Variants in SDK1 observed in about 807,000 individuals in gnomAD.
SDK1 encodes sidekick cell adhesion molecule 1.
SDK1 carries 157 observed loss-of-function variants against 245.5 expected under a neutral mutation model. That is an observed-to-expected ratio of 0.64 (90% CI 0.56 to 0.73). SDK1 has a LOEUF of 0.73. Among genes scored for constraint, SDK1 ranks in the 30% least tolerant of loss-of-function variants. The probability of loss-of-function intolerance (pLI) is 0.00; values close to 1 mark genes in which losing one functional copy is unlikely to be tolerated. For missense variants in SDK1, 3,583 were observed against 3,002.3 expected (o/e 1.19, Z -4.52); for synonymous variants, 1,647 against 1,278.5 (o/e 1.29, Z -6.15).
chr7:3,546,219 C>T (rs895487730), intron 1 of SDK1, among the ~76,000 whole-genome samples: 5 of 152,034 alleles, frequency 3.3e-5, no homozygotes, highest in Non-Finnish European at 4.4e-5. Context: ...GATGACACCG[C>T]GGGTCTGGGA....
At chr7:3,438,297 G>C (rs570731801) in intron 1 of SDK1, among the ~76,000 whole-genome samples, 34 of 152,298 alleles carry the variant, frequency 2.2e-4, no homozygotes, top group African/African-American at 7.9e-4. Flanking sequence ...TCATTTTATA[G>C]TATGTGCCTG....
rs1258505017 is a variant in SDK1 at position 4,267,256 on chromosome 7, CCCTCCTTCCCTCCCTT to C, written c.*1876_*1891del. ...TTCCTCTCTTCTTTCCTCCCTCCCT[CCCTCCTTCCCTCCCTT>C]CCTTCCTCTCTTTCCTCCTTCCTTC... On this transcript the variant is annotated 3_prime_UTR_variant, in exon 45 of 45. Transcript: ENST00000404826. 23 of 605,558 alleles carry C rather than the reference CCCTCCTTCCCTCCCTT, an allele frequency of 3.8e-5. No homozygotes were observed. Among genetic ancestry groups the C allele is most frequent in the Admixed American group, 6.4e-5 (1 of 15,596 alleles). 37.5% of individuals were successfully genotyped at this position (605,558 alleles called of 1,614,324 possible). A position where few individuals can be genotyped will look rare whatever the true frequency, so the allele number is the denominator to read the frequency against.
intron 5 of SDK1, among the ~76,000 whole-genome samples, chr7:3,920,825 C>T (rs1310268437): frequency 6.6e-6 from 1 of 152,118 alleles, no homozygotes; most frequent in Non-Finnish European, 1.5e-5. Context: ...AAAGTGACTG[C>T]TCGGAGGTTA....
rs529229661 is a variant in SDK1, at chr7:3,326,653, AAATT to A, written c.298+24775_298+24778del. Among the ~76,000 whole-genome samples, 549 of 152,288 alleles carry A rather than the reference AAATT, an allele frequency of 3.6e-3. 2 individuals carry two copies. The highest frequency in any genetic ancestry group is 0.012 in the African/African-American group (514 of 41,566). On this transcript the variant is annotated intron_variant, in intron 1 of 44. Coordinates refer to ENST00000404826, the MANE Select transcript of SDK1 (RefSeq NM_152744.4). ...CATCTTCTCACCAACACTGCTTTCT[AAATT>A]AATTATTTCAATTCATTTATTTTTT... is the stretch of plus-strand genomic sequence containing the variant.
At chr7:3,864,289 T>C (rs1780768282) in intron 5 of SDK1, among the ~76,000 whole-genome samples, 1 of 152,184 alleles carries the variant, frequency 6.6e-6, no homozygotes, top group Non-Finnish European at 1.5e-5. Context: ...CGTTTCCTAT[T>C]CTGTTCTCTT....
chr7:4,113,160 T>C, intron 23 of SDK1, 129 bp from the exon 24 acceptor site: 2 of 994,604 alleles, frequency 2.0e-6, no homozygotes, highest in Non-Finnish European at 3.0e-6. Flanking sequence ...CCTTGAGCAA[T>C]AGCCTTTATG....
intron 13 of SDK1, among the ~76,000 whole-genome samples, chr7:3,984,506 CAG>C (rs1783667866): frequency 1.3e-5 from 2 of 152,300 alleles, no homozygotes; most frequent in South Asian, 4.1e-4. Context: ...AGAAAGTGTG[CAG>C]AGACACAGCA....
intron 1 of SDK1, among the ~76,000 whole-genome samples, chr7:3,507,666 T>G (rs1192321380): frequency 6.6e-6 from 1 of 152,204 alleles, no homozygotes; most frequent in Non-Finnish European, 1.5e-5. Context: ...TGACACATTC[T>G]AAGTGGTTAG....
rs187542088 is a variant in SDK1, at chr7:3,989,665, T to G, written c.2131+2343T>G. On this transcript the variant is annotated intron_variant, in intron 14 of 44. Transcript: ENST00000404826. ...TGAAACCCAGCTCCCCGTGGGTCCC[T>G]GGTGCTGCTCACTTTTCTGGGCAGA... Among the ~76,000 whole-genome samples, 1,058 of 152,308 alleles carry G rather than the reference T, an allele frequency of 6.9e-3. 13 individuals carry two copies. Among genetic ancestry groups the G allele is most frequent in the African/African-American group, 0.024 (999 of 41,552 alleles).
At position 3,570,506 on chromosome 7, in the gene SDK1, G is replaced by A. The variant is rs1275246309; in HGVS notation, c.299-48574G>A. Among the ~76,000 whole-genome samples the A allele has an allele frequency of 2.0e-5, 3 of 152,158 alleles. No homozygotes were observed. In the East Asian group the frequency reaches 5.8e-4, roughly 29 times the overall value. On this transcript the variant is annotated intron_variant, in intron 1 of 44. Transcript: ENST00000404826. Reference sequence around the variant, plus strand: ...TTGGGGATCCCTGCCTTAACTAAGGGATCCCTTTCCCCCAACTCTTCTCTG... The same window carrying A: ...TTGGGGATCCCTGCCTTAACTAAGGAATCCCTTTCCCCCAACTCTTCTCTG...
intron 5 of SDK1, among the ~76,000 whole-genome samples, chr7:3,940,480 T>A (rs190817939): frequency 1.3e-5 from 2 of 152,302 alleles, no homozygotes. Context: ...TTATGGCATC[T>A]TCTTCTTCCT....
Position 3,672,796 on chromosome 7 carries a change from A to ATATATATATATATAT in SDK1, c.713+30691_713+30692insTATATATATATATAT, listed in dbSNP as rs1554307151. The stretch of plus-strand genomic sequence containing the variant: ...ATATATATATATATATATATATATA[A>ATATATATATATATAT]AAAATACAGAAAGCTCTAAGTATGC... On this transcript the variant is annotated intron_variant, in intron 4 of 44. Coordinates refer to ENST00000404826, the MANE Select transcript of SDK1 (RefSeq NM_152744.4). Among the ~76,000 whole-genome samples, 495 of 52,890 alleles carry ATATATATATATATAT rather than the reference A, an allele frequency of 9.4e-3. 11 individuals carry two copies. The highest frequency in any genetic ancestry group is 0.012 in the Non-Finnish European group (338 of 28,912). The allele number at this position is 52,890 out of a possible 152,430, so 34.7% of individuals were successfully genotyped here.
Position 4,265,593 on chromosome 7 carries a change from G to A in SDK1, c.*209G>A. On this transcript the variant is annotated 3_prime_UTR_variant, in exon 45 of 45. Transcript: ENST00000404826. ...TTTTGTAACTTCGCTGCAGGAAGCA[G>A]GTTTGTTTCTTTTTCTTTTCTTTTT... 1 of 1,339,724 alleles carries A rather than the reference G, an allele frequency of 7.5e-7. No homozygotes were observed. Among genetic ancestry groups the A allele is most frequent in the Non-Finnish European group, 9.5e-7 (1 of 1,054,944 alleles). 83.0% of individuals were successfully genotyped at this position (1,339,724 alleles called of 1,614,324 possible).
chr7:3,617,442 G>C (rs1781804839), intron 1 of SDK1, among the ~76,000 whole-genome samples: 1 of 152,230 alleles, frequency 6.6e-6, no homozygotes, highest in African/African-American at 2.4e-5. Context: ...GATGAGCAAA[G>C]ATGAGCATGC....
chr7:3,728,928 T>C (rs558048787), intron 4 of SDK1, among the ~76,000 whole-genome samples: 4 of 151,902 alleles, frequency 2.6e-5, no homozygotes, highest in Non-Finnish European at 5.9e-5. Flanking sequence ...AAGAGACCTA[T>C]CTCTCTAAAA....
chr7:4,148,102 A>G (rs550761815), intron 29 of SDK1, among the ~76,000 whole-genome samples: 1 of 152,122 alleles, frequency 6.6e-6, no homozygotes, highest in Admixed American at 6.5e-5. Flanking sequence ...GCTAGTTACC[A>G]CTAAGTCCAA....
chr7:3,398,673 T>C (rs1405099067), intron 1 of SDK1, among the ~76,000 whole-genome samples: 1 of 151,846 alleles, frequency 6.6e-6, no homozygotes, highest in Non-Finnish European at 1.5e-5. Flanking sequence ...TTATTTATTT[T>C]TTTAACCTCC....
At chr7:3,759,467 G>A (rs1780029359) in intron 4 of SDK1, among the ~76,000 whole-genome samples, 1 of 152,128 alleles carries the variant, frequency 6.6e-6, no homozygotes. Context: ...GATGGTGAAA[G>A]CCAGCGACTG....
In SDK1 at chr7:3,383,526, T is replaced by A. The variant is rs527983714; in HGVS notation, c.298+81642T>A. Among the ~76,000 whole-genome samples, 5 of 152,324 alleles carry A rather than the reference T, an allele frequency of 3.3e-5. No homozygotes were observed. The East Asian group carries it at 9.6e-4, about 29-fold the overall frequency. On this transcript the variant is annotated intron_variant, in intron 1 of 44. Coordinates refer to ENST00000404826, the MANE Select transcript of SDK1 (RefSeq NM_152744.4). ...TTTTTGGCCTCCATGTAATCAGATT[T>A]TGTGCTTATTTGAGACACTTAAAAA...
Sources: gnomAD v4.1 joint callset for allele counts (sites outside exome capture counted in the v4.1 genomes callset) on GRCh38, gnomAD v4.1.1 for gene constraint, MANE v1.5 for transcripts, NCBI Gene and HGNC (gene_info 2026-07-23, HGNC 2026-07-21) for gene names.